Variants in CCDC88C observed in about 807,000 individuals in gnomAD.
The protein encoded by CCDC88C is protein Daple.
In CCDC88C, 131 loss-of-function variants were observed where a neutral mutation model predicts 198.8. That is an observed-to-expected ratio of 0.66 (90% confidence interval 0.57 to 0.76). The LOEUF (loss-of-function observed/expected upper bound fraction) is 0.76, where lower values mean the gene tolerates loss of function less well. Ranked by LOEUF, CCDC88C falls within the 30% of genes least tolerant of loss-of-function variation. CCDC88C has a pLI of 0.00. For synonymous variants in CCDC88C, 1,166 were observed against 1,114.7 expected (o/e 1.05, Z -0.92); for missense variants, 2,553 against 2,631.6 (o/e 0.97, Z 0.65).
chr14:91,410,374 G>A (rs1424365744), intron 2 of CCDC88C, among the ~76,000 whole-genome samples: 1 of 152,130 alleles, frequency 6.6e-6, no homozygotes, highest in African/African-American at 2.4e-5. Context: ...GTTAGTGTGG[G>A]GAGTTAAGGA....
At chr14:91,310,469 G>A (rs1335313108) in intron 15 of CCDC88C, among the ~76,000 whole-genome samples, 2 of 152,162 alleles carry the variant, frequency 1.3e-5, no homozygotes, top group Non-Finnish European at 2.9e-5. Context: ...CTGAAGTGCA[G>A]TGGTGTGATC....
rs1436640160 is a variant in CCDC88C, at chr14:91,417,674, G to A, written c.17C>T (p.Ser6Leu). The A allele has an allele frequency of 6.3e-7, 1 of 1,581,186 alleles. No individual in the cohort carries two copies. The highest frequency in any genetic ancestry group is 1.1e-5 in the South Asian group (1 of 87,250). ...CTGCAGGAAGAGCTCCAGGAGCTCC[G>A]AGACTGTCACGTCCATGCTGAGGCT... Reference protein sequence around the residue: MDVTVSELLELFLQSP... With the variant: MDVTVLELLELFLQSP... The change falls in exon 1 of 30, where the codon TCG becomes TTG. Residue 6 changes from serine to leucine, a missense_variant. Coordinates refer to ENST00000389857, the MANE Select transcript of CCDC88C (RefSeq NM_001080414.4).
At chr14:91,278,236 G>A (rs758038934) in intron 28 of CCDC88C, 25 bp from the exon 29 acceptor site, 1 of 1,570,596 alleles carries the variant, frequency 6.4e-7, no homozygotes, top group East Asian at 2.3e-5. Flanking sequence ...AGGAGACAGA[G>A]GACCCTCATC....
At chr14:91,409,414 A>T (rs1886686568) in intron 2 of CCDC88C, among the ~76,000 whole-genome samples, 1 of 151,746 alleles carries the variant, frequency 6.6e-6, no homozygotes, top group Non-Finnish European at 1.5e-5. Flanking sequence ...TCCTCAAGCC[A>T]TCCTCCTGCC....
At chr14:91,345,730 T>C (rs757689386) in intron 4 of CCDC88C, among the ~76,000 whole-genome samples, 3 of 152,114 alleles carry the variant, frequency 2.0e-5, no homozygotes, top group Admixed American at 6.6e-5. Flanking sequence ...CTGTGTCTCT[T>C]TGATTGTGCT....
chr14:91,287,556 C>T (rs1046910043), intron 25 of CCDC88C, among the ~76,000 whole-genome samples: 2 of 151,482 alleles, frequency 1.3e-5, no homozygotes. Context: ...AGGCTAGTCC[C>T]AAACTCCTGG....
intron 4 of CCDC88C, among the ~76,000 whole-genome samples, chr14:91,350,571 C>T (rs957026036): frequency 2.6e-5 from 4 of 152,154 alleles, no homozygotes; most frequent in Admixed American, 2.6e-4. Flanking sequence ...CATCCCTTTC[C>T]CTTCCTGCCC....
chr14:91,339,106 G>A lies in CCDC88C; in HGVS notation c.809+172C>T. 2.6e-6 allele frequency: 2 copies of A among 762,842 alleles called. No individual in the cohort carries two copies. Among genetic ancestry groups the A allele is most frequent in the East Asian group, 5.4e-5 (2 of 37,188 alleles). 47.3% of individuals were successfully genotyped at this position (762,842 alleles called of 1,614,324 possible). ...CGCCCCCATCCCTGTGCAGGCCTCA[G>A]AAGGGGAGGCAGCTAGTCCGAGGTC... is the stretch of plus-strand genomic sequence containing the variant. On this transcript the variant is annotated intron_variant, in intron 8 of 29. Coordinates refer to ENST00000389857, the MANE Select transcript of CCDC88C (RefSeq NM_001080414.4). The surrounding 1 kb of genome is among the most constrained non-coding windows in gnomAD (Gnocchi z 5.8).
chr14:91,313,412 C>T lies in CCDC88C; in HGVS notation c.2404G>A (p.Asp802Asn). ...TTGGCCAGCCGGAGGGCCTCCAGGT[C>T]CCGCCGCAGCGCCTGGCGCTCAGCC... is the stretch of plus-strand genomic sequence containing the variant. ...LEAERQALRRDLEALRLANAQ... is the reference protein window; with the variant it reads ...LEAERQALRRNLEALRLANAQ... The change falls in exon 15 of 30, where the codon GAC (aspartate) becomes AAC (asparagine). Residue 802 changes from aspartate to asparagine, a missense_variant. By Grantham distance (23) the Asp-to-Asn change is conservative. Around this residue, in one of 2 missense-constraint regions of CCDC88C, gnomAD observed 1,260 missense variants for 1,412.0 expected, o/e 0.89. Coordinates refer to ENST00000389857, the MANE Select transcript of CCDC88C (RefSeq NM_001080414.4). This position sits in a 1 kb window ranked among gnomAD's most constrained non-coding sequence, Gnocchi z 5.2. 6.2e-7 allele frequency: 1 copy of T among 1,607,506 alleles called. No individual in the cohort carries two copies. Among genetic ancestry groups the T allele is most frequent in the Non-Finnish European group, 8.5e-7 (1 of 1,179,626 alleles).
chr14:91,309,064 T>C (rs1376595312), intron 16 of CCDC88C, among the ~76,000 whole-genome samples: 1 of 151,934 alleles, frequency 6.6e-6, no homozygotes, highest in Admixed American at 6.6e-5. Flanking sequence ...CCGTCTCTAC[T>C]AAAAAAATAC....
intron 3 of CCDC88C, among the ~76,000 whole-genome samples, chr14:91,405,824 G>A (rs537776767): frequency 4.6e-5 from 7 of 152,246 alleles, no homozygotes; most frequent in Non-Finnish European, 8.8e-5. Flanking sequence ...CACATGGAAT[G>A]TGTCAGCCCT....
chr14:91,342,383 C>T lies in CCDC88C; in HGVS notation c.480G>A (p.Gln160=). The part of the protein sequence containing the change: ...ETQAGIVAHI[Q]EVTHNQENVF... ...CACCACGAGGCCACGCACCTACCTC[C>T]TGGATATGGGCCACGATGCCAGCCT... Residue 160 remains glutamine (Q), a synonymous_variant, in exon 6 of 30, where the codon CAG becomes CAA. Transcript: ENST00000389857. 1 of 1,585,814 alleles carries T rather than the reference C, an allele frequency of 6.3e-7. No homozygotes were observed. The highest frequency in any genetic ancestry group is 8.6e-7 in the Non-Finnish European group (1 of 1,164,786).
chr14:91,412,293 T>C (rs1240355253), intron 2 of CCDC88C, among the ~76,000 whole-genome samples: 1 of 152,228 alleles, frequency 6.6e-6, no homozygotes, highest in East Asian at 1.9e-4. Context: ...TAAGGACACG[T>C]ATTAATATAT....
intron 4 of CCDC88C, among the ~76,000 whole-genome samples, chr14:91,344,713 G>A (rs1015720261): frequency 2.7e-4 from 40 of 150,730 alleles, no homozygotes; most frequent in Admixed American, 2.4e-3. Context: ...GGGTTTCACC[G>A]TGGTCTCAAT....
chr14:91,325,412 C>G lies in CCDC88C; in HGVS notation c.1198-489G>C, dbSNP rs1892541675. On this transcript the variant is annotated intron_variant, in intron 11 of 29. Coordinates refer to ENST00000389857, the MANE Select transcript of CCDC88C (RefSeq NM_001080414.4). The surrounding 1 kb of genome is among the most constrained non-coding windows in gnomAD (Gnocchi z 4.1). Reference sequence around the variant, plus strand: ...TGCTCTGTTTGTGGGTGTTAAGTGGCACCCGCTCAAGCCTGCTGATTTTAG... The same window carrying G: ...TGCTCTGTTTGTGGGTGTTAAGTGGGACCCGCTCAAGCCTGCTGATTTTAG... Among the ~76,000 whole-genome samples the G allele has an allele frequency of 6.6e-6, 1 of 152,114 alleles. No homozygotes were observed. The highest frequency in any genetic ancestry group is 1.5e-5 in the Non-Finnish European group (1 of 68,014).
chr14:91,374,958 T>A (rs537817623), intron 3 of CCDC88C, among the ~76,000 whole-genome samples: 2 of 152,326 alleles, frequency 1.3e-5, no homozygotes, highest in South Asian at 4.1e-4. Flanking sequence ...TGACACTCCC[T>A]TACGGAGCCC....
rs1304784042 is a variant in CCDC88C at position 91,325,321 on chromosome 14, C to A, written c.1198-398G>T. The stretch of plus-strand genomic sequence containing the variant: ...GCTCACCCCACACCATCAACACTGG[C>A]AAAGACCCTTCTTCCAAGACACACA... On this transcript the variant is annotated intron_variant, in intron 11 of 29. Transcript: ENST00000389857. This position sits in a 1 kb window ranked among gnomAD's most constrained non-coding sequence, Gnocchi z 4.1. Among the ~76,000 whole-genome samples, 1 of 152,176 alleles carries A rather than the reference C, an allele frequency of 6.6e-6. No individual in the cohort carries two copies. The highest frequency in any genetic ancestry group is 2.4e-5 in the African/African-American group (1 of 41,436).
chr14:91,395,126 T>C (rs1012263158), intron 3 of CCDC88C, among the ~76,000 whole-genome samples: 16 of 152,192 alleles, frequency 1.1e-4, no homozygotes, highest in Admixed American at 2.6e-4. Flanking sequence ...AGGGGTACGC[T>C]CAAAGGAACC....
chr14:91,384,234 C>T (rs1395556733), intron 3 of CCDC88C, among the ~76,000 whole-genome samples: 1 of 149,400 alleles, frequency 6.7e-6, no homozygotes, highest in African/African-American at 2.5e-5. Flanking sequence ...TCTAGGAGTT[C>T]GAGACCAGCC....
Sources: gnomAD v4.1 joint callset for allele counts (sites outside exome capture counted in the v4.1 genomes callset) on GRCh38, gnomAD v4.1.1 for gene constraint, gnomAD v4.1.1 regional missense constraint, Gnocchi (gnomAD v3.1) non-coding constraint, MANE v1.5 for transcripts, NCBI Gene and HGNC (gene_info 2026-07-23, HGNC 2026-07-21) for gene names.